Variants in TYW1B observed in about 807,000 individuals in gnomAD.
The protein encoded by TYW1B is tRNA-yW synthesizing protein 1 homolog B.
In TYW1B, 73 loss-of-function variants were observed where a neutral mutation model predicts 86.9. The observed-to-expected ratio is 0.84, with a 90% CI of 0.70 to 1.02. The LOEUF is 1.02. TYW1B is among the 50% of genes least tolerant of loss of function. The probability of loss-of-function intolerance (pLI) is 0.00; values close to 1 mark genes in which losing one functional copy is unlikely to be tolerated. For missense variants in TYW1B, 637 were observed against 827.4 expected (o/e 0.77, Z 2.82); for synonymous variants, 248 against 292.8 (o/e 0.85, Z 1.56).
chr7:72,711,633 CTTATTA>C (rs1301191140), intron 10 of TYW1B, among the ~76,000 whole-genome samples: 5 of 150,510 alleles, frequency 3.3e-5, no homozygotes, highest in South Asian at 2.1e-4. Flanking sequence ...CCATGCCTGG[CTTATTA>C]TTATTATTAT....
At chr7:72,633,455 A>C (rs1164011479) in intron 11 of TYW1B, among the ~76,000 whole-genome samples, 12 of 152,226 alleles carry the variant, frequency 7.9e-5, no homozygotes, top group African/African-American at 2.9e-4. Flanking sequence ...CACTTTGCTA[A>C]ATCTTCTGAA....
rs1257245309 is a variant in TYW1B at position 72,766,959 on chromosome 7, T to C, written c.964+10457A>G. Among the ~76,000 whole-genome samples the C allele has an allele frequency of 2.0e-5, 3 of 151,958 alleles. No homozygotes were observed. The East Asian group carries it at 5.8e-4, about 29-fold the overall frequency. On this transcript the variant is annotated intron_variant, in intron 7 of 13. Coordinates refer to ENST00000620995, the MANE Select transcript of TYW1B (RefSeq NM_001145440.3). Reference sequence around the variant, plus strand: ...TAAATAAATAAAAATAACTACAGGATAAATGATCAGTCATGCTTTCTGAAA... The same window carrying C: ...TAAATAAATAAAAATAACTACAGGACAAATGATCAGTCATGCTTTCTGAAA...
At position 72,768,859 on chromosome 7, in the gene TYW1B, A is replaced by G. The variant is rs1787819807; in HGVS notation, c.964+8557T>C. On this transcript the variant is annotated intron_variant, in intron 7 of 13. Transcript: ENST00000620995. The stretch of plus-strand genomic sequence containing the variant: ...CCCTATATGACTTCTCTGATTCACA[A>G]ACTCTAAGAATGGTTTACTGTGGAG... The G allele has an allele frequency of 2.0e-5, 6 of 300,420 alleles. No homozygotes were observed. The South Asian group carries it at 2.4e-4, about 12-fold the overall frequency. 18.6% of individuals were successfully genotyped at this position (300,420 alleles called of 1,614,324 possible).
At chr7:72,804,510 G>C (rs1310749531) in intron 5 of TYW1B, among the ~76,000 whole-genome samples, 10 of 151,950 alleles carry the variant, frequency 6.6e-5, no homozygotes, top group Admixed American at 6.6e-4. Context: ...AAATGAATGA[G>C]CATGGCCATG....
intron 11 of TYW1B, among the ~76,000 whole-genome samples, chr7:72,636,048 AC>A (rs1812659183): frequency 6.6e-6 from 1 of 152,246 alleles, no homozygotes; most frequent in Admixed American, 6.5e-5. Context: ...GAGAAATGAT[AC>A]TTTTACAACC....
At chr7:72,637,211 C>A (rs1812691540) in intron 11 of TYW1B, among the ~76,000 whole-genome samples, 1 of 152,002 alleles carries the variant, frequency 6.6e-6, no homozygotes, top group African/African-American at 2.4e-5. Flanking sequence ...GGTGTTAGTT[C>A]TCCTGATGAC....
chr7:72,663,084 G>A (rs548831262), intron 11 of TYW1B, among the ~76,000 whole-genome samples: 70 of 152,008 alleles, frequency 4.6e-4, no homozygotes, highest in African/African-American at 1.5e-3. Context: ...TTAAACAAGT[G>A]GTGAGATGAA....
intron 10 of TYW1B, among the ~76,000 whole-genome samples, chr7:72,702,986 CTATATATATATATATATATA>C (rs371144509): frequency 1.2e-3 from 43 of 36,316 alleles, no homozygotes; most frequent in South Asian, 2.1e-3. Flanking sequence ...ATCTATCTAT[CTATATATATATATATATATA>C]TATATATATA....
chr7:72,754,629 G>A (rs1180508582), intron 7 of TYW1B, among the ~76,000 whole-genome samples: 1 of 151,744 alleles, frequency 6.6e-6, no homozygotes, highest in Non-Finnish European at 1.5e-5. Context: ...GAAGAGATGG[G>A]GTTTCATCAT....
Position 72,806,967 on chromosome 7 carries a change from A to G in TYW1B, c.723+99T>C. On this transcript the variant is annotated intron_variant, in intron 5 of 13. Coordinates refer to ENST00000620995, the MANE Select transcript of TYW1B (RefSeq NM_001145440.3). ...TGCACTCAGCCAGATCTTCCTTCTA[A>G]CCAGAAGCCAACGAGATGGTTTATT... 2.0e-6 allele frequency: 3 copies of G among 1,478,012 alleles called. No homozygotes were observed. The South Asian group carries it at 4.1e-5, about 20-fold the overall frequency. The allele number at this position is 1,478,012 out of a possible 1,614,324, so 91.6% of individuals were successfully genotyped here.
intron 1 of TYW1B, among the ~76,000 whole-genome samples, 179 bp from the exon 2 acceptor site, chr7:72,827,164 T>G (rs1322113096): frequency 6.6e-6 from 1 of 152,160 alleles, no homozygotes; most frequent in Non-Finnish European, 1.5e-5. Context: ...TCCCAGCACT[T>G]TGGGTGGCTG....
At chr7:72,799,213 C>A (rs112985758) in intron 6 of TYW1B, among the ~76,000 whole-genome samples, 8 of 136,418 alleles carry the variant, frequency 5.9e-5, no homozygotes, top group African/African-American at 1.7e-4. Context: ...GGCTTGAATG[C>A]AGCGGCATGA....
At chr7:72,684,425 A>AAAT (rs1813954673) in intron 11 of TYW1B, among the ~76,000 whole-genome samples, 1 of 152,174 alleles carries the variant, frequency 6.6e-6, no homozygotes, top group Admixed American at 6.6e-5. Flanking sequence ...AGGGTGAAAT[A>AAAT]TTTAAGTACT....
chr7:72,705,711 A>G (rs1223675732), intron 10 of TYW1B, among the ~76,000 whole-genome samples: 2 of 152,220 alleles, frequency 1.3e-5, no homozygotes, highest in Non-Finnish European at 2.9e-5. Flanking sequence ...TGGCACACTC[A>G]TGAAGTGGGA....
chr7:72,778,007 G>A (rs1426301665), intron 6 of TYW1B, among the ~76,000 whole-genome samples: 1 of 152,116 alleles, frequency 6.6e-6, no homozygotes, highest in Non-Finnish European at 1.5e-5. Flanking sequence ...TCTGCAAAGT[G>A]AACACAATCC....
rs562781587 is a variant in TYW1B at position 72,623,083 on chromosome 7, T to C, written c.1617+5804A>G. ...AATTAGGTTAGTGCTACAAGCAAAA[T>C]GAGAAAAAGAAGTTGAATTGGGTGA... is the stretch of plus-strand genomic sequence containing the variant. On this transcript the variant is annotated intron_variant, in intron 12 of 13. Transcript: ENST00000620995. Among the ~76,000 whole-genome samples the C allele has an allele frequency of 7.2e-5, 11 of 152,132 alleles. No individual in the cohort carries two copies. In the East Asian group the frequency reaches 1.9e-3, roughly 27 times the overall value.
At position 72,802,496 on chromosome 7, in the gene TYW1B, A is replaced by G. The variant is rs782159950; in HGVS notation, c.750T>C (p.Ser250=). Residue 250 remains serine (S), a synonymous_variant, in exon 6 of 14, where the codon AGT becomes AGC. Transcript: ENST00000620995. ...GGTCCTCACCACCAAACTCTTCTTC[A>G]CTGGAGCTCTCGAAGGGTTCTTCCT... ...TKEEEPFESS[S]EEEFGGEDHQ... The G allele has an allele frequency of 1.2e-6, 2 of 1,613,918 alleles. No individual in the cohort carries two copies. Among genetic ancestry groups the G allele is most frequent in the Non-Finnish European group, 1.7e-6 (2 of 1,179,850 alleles).
intron 13 of TYW1B, among the ~76,000 whole-genome samples, chr7:72,607,960 G>C (rs1315044505): frequency 2.0e-5 from 3 of 152,186 alleles, no homozygotes; most frequent in African/African-American, 7.2e-5. Context: ...TGAAAGCAGG[G>C]AGAGAGAAAT....
intron 3 of TYW1B, 107 bp from the exon 4 acceptor site, chr7:72,810,772 C>T: frequency 7.2e-7 from 1 of 1,395,790 alleles, no homozygotes; most frequent in Non-Finnish European, 9.6e-7. Context: ...CAAAGGGTAC[C>T]TTCATAAACA....
Sources: allele counts gnomAD v4.1 joint callset (sites outside exome capture counted in the v4.1 genomes callset), GRCh38; gene constraint gnomAD v4.1.1; transcripts MANE v1.5; gene names NCBI Gene and HGNC (gene_info 2026-07-23, HGNC 2026-07-21).